The following LRIG1 variants were observed in gnomAD, a reference collection of about 807,000 sequenced individuals.
LRIG1 encodes the protein leucine-rich repeats and immunoglobulin-like domains protein 1.
In LRIG1, 48 loss-of-function variants were observed where a neutral mutation model predicts 99.2. That is an observed-to-expected ratio of 0.48 (90% CI 0.38 to 0.62). The LOEUF is 0.62. LRIG1 is among the 20% of genes least tolerant of loss of function. The pLI, the probability that LRIG1 is intolerant of heterozygous loss-of-function variation, is 0.00. For missense variants in LRIG1, 1,646 were observed against 1,434.4 expected, an observed-to-expected ratio of 1.15 and a Z score of -2.38; for synonymous variants, 772 against 596.1, an observed-to-expected ratio of 1.29 and a Z score of -4.30.
At chr3:66,465,207 A>T (rs566825979) in intron 1 of LRIG1, among the ~76,000 whole-genome samples, 12 of 152,264 alleles carry the variant, frequency 7.9e-5, no homozygotes, top group African/African-American at 2.9e-4. Context: ...AAGTGGGCCT[A>T]AAGAGTGGAG....
chr3:66,405,151 T>C (rs368800190), intron 9 of LRIG1, 47 bp downstream of exon 9: 9 of 1,543,676 alleles, frequency 5.8e-6, no homozygotes, highest in South Asian at 5.6e-5. Context: ...CCCACCCAAG[T>C]GTGTCCCGCG....
At chr3:66,401,097 C>T (rs535325051) in intron 9 of LRIG1, among the ~76,000 whole-genome samples, 162 of 152,322 alleles carry the variant, frequency 1.1e-3, no homozygotes, top group African/African-American at 3.8e-3. Flanking sequence ...AAGGGGCAAA[C>T]GGGCCAGAGA....
Position 66,489,860 on chromosome 3 carries a change from A to AT in LRIG1, c.218+10329dup, listed in dbSNP as rs1414923558. Among the ~76,000 whole-genome samples, 7 of 152,102 alleles carry AT rather than the reference A, an allele frequency of 4.6e-5. No homozygotes were observed. In the East Asian group the frequency reaches 7.8e-4, roughly 17 times the overall value. On this transcript the variant is annotated intron_variant, in intron 1 of 18. Transcript: ENST00000273261. ...CACTTTCATGACTTTAAGAAAATTA[A>AT]TTTTTTCCTCTCAGGTGAATCATTT...
rs76646120 is a variant in LRIG1 at position 66,442,670 on chromosome 3, C to A, written c.365+8889G>T. Among the ~76,000 whole-genome samples, 517 of 152,176 alleles carry A rather than the reference C, an allele frequency of 3.4e-3. 3 individuals carry two copies. Among genetic ancestry groups the A allele is most frequent in the African/African-American group, 0.012 (499 of 41,520 alleles). Reference sequence around the variant, plus strand: ...CCACTGCTTCTCCAACATTGGGGAGCAACCCGGGTCCCCAGTGGATCTTGG... The same window carrying A: ...CCACTGCTTCTCCAACATTGGGGAGAAACCCGGGTCCCCAGTGGATCTTGG... On this transcript the variant is annotated intron_variant, in intron 3 of 18. Coordinates refer to ENST00000273261, the MANE Select transcript of LRIG1 (RefSeq NM_015541.3).
intron 1 of LRIG1, among the ~76,000 whole-genome samples, chr3:66,481,085 C>A (rs1369864367): frequency 1.3e-5 from 2 of 152,140 alleles, no homozygotes; most frequent in South Asian, 4.1e-4. Flanking sequence ...CAACGGTCCC[C>A]CTGCCCAGCA....
chr3:66,408,127 C>T (rs1702341643), intron 7 of LRIG1, among the ~76,000 whole-genome samples: 1 of 152,186 alleles, frequency 6.6e-6, no homozygotes, highest in Non-Finnish European at 1.5e-5. Context: ...ATCAAAGCTT[C>T]CTCCCAGCAC....
At chr3:66,414,383 G>A (rs370455142) in intron 5 of LRIG1, among the ~76,000 whole-genome samples, 137 of 151,544 alleles carry the variant, frequency 9.0e-4, no homozygotes, top group African/African-American at 2.6e-3. Context: ...GGGACAGAGC[G>A]AGACTGTCGC....
At chr3:66,484,412 C>G (rs1700922266) in intron 1 of LRIG1, among the ~76,000 whole-genome samples, 2 of 152,190 alleles carry the variant, frequency 1.3e-5, no homozygotes, top group Admixed American at 6.5e-5. Context: ...AGAAACGAAT[C>G]AAACATTCAC....
At chr3:66,443,344 T>TGAGGGGGCGGGGGATGAGG (rs1703609148) in intron 3 of LRIG1, among the ~76,000 whole-genome samples, 1 of 9,970 alleles carries the variant, frequency 1.0e-4, no homozygotes, top group African/African-American at 3.6e-4. Flanking sequence ...GGGGGATGAG[T>TGAGGGGGCGGGGGATGAGG]GAGGGGGCGG....
chr3:66,422,677 C>A (rs764816280), intron 3 of LRIG1, among the ~76,000 whole-genome samples: 87 of 152,222 alleles, frequency 5.7e-4, no homozygotes, highest in Middle Eastern at 6.3e-3. Context: ...CCAACCTCTG[C>A]CTGTTATCCA....
intron 9 of LRIG1, among the ~76,000 whole-genome samples, chr3:66,403,339 CTTGT>C (rs1311157282): frequency 6.6e-6 from 1 of 152,102 alleles, no homozygotes; most frequent in African/African-American, 2.4e-5. Context: ...TTAAGGAATT[CTTGT>C]TTATTTATTG....
intron 1 of LRIG1, among the ~76,000 whole-genome samples, chr3:66,484,196 G>A (rs918661940): frequency 1.3e-5 from 2 of 152,154 alleles, no homozygotes; most frequent in African/African-American, 2.4e-5. Flanking sequence ...AAGCCTGGGA[G>A]GTCTGAATTA....
At chr3:66,428,046 A>G (rs570374099) in intron 3 of LRIG1, among the ~76,000 whole-genome samples, 2 of 152,304 alleles carry the variant, frequency 1.3e-5, no homozygotes, top group East Asian at 3.9e-4. Flanking sequence ...GTTGACGGAC[A>G]TTGAGTTATT....
At chr3:66,487,526 G>C (rs1701001804) in intron 1 of LRIG1, among the ~76,000 whole-genome samples, 1 of 152,002 alleles carries the variant, frequency 6.6e-6, no homozygotes, top group Admixed American at 6.6e-5. Flanking sequence ...AATTATCAAG[G>C]GACTCCTAGG....
In LRIG1 at chr3:66,398,852, G is replaced by C. The variant is rs1183509679; in HGVS notation, c.1232+118C>G. 6.3e-6 allele frequency: 5 copies of C among 791,438 alleles called. No homozygotes were observed. The East Asian group carries it at 1.1e-4, about 17-fold the overall frequency. 49.0% of individuals were successfully genotyped at this position (791,438 alleles called of 1,614,324 possible). On this transcript the variant is annotated intron_variant, in intron 10 of 18. Coordinates refer to ENST00000273261, the MANE Select transcript of LRIG1 (RefSeq NM_015541.3). ...CTGACATAATGAGAAGGAAGCAGCTGGTGTTTCCAAATAGCCTGTTTCTCA... is the reference window on the plus strand; with the variant it reads ...CTGACATAATGAGAAGGAAGCAGCTCGTGTTTCCAAATAGCCTGTTTCTCA...
chr3:66,404,022 G>C (rs1476547535), intron 9 of LRIG1, among the ~76,000 whole-genome samples: 1 of 152,178 alleles, frequency 6.6e-6, no homozygotes, highest in Non-Finnish European at 1.5e-5. Flanking sequence ...TAAAGGCTGG[G>C]GAAAATCAGC....
Position 66,382,417 on chromosome 3 carries a change from A to G in LRIG1, c.2492-19T>C. On this transcript the variant is annotated intron_variant, in intron 15 of 18. Coordinates refer to ENST00000273261, the MANE Select transcript of LRIG1 (RefSeq NM_015541.3). ...GTTTCATCTGCAAGGAGACAGAACAAATAGAACACCAGGGTCTCAGTGACA... is the reference window on the plus strand; with the variant it reads ...GTTTCATCTGCAAGGAGACAGAACAGATAGAACACCAGGGTCTCAGTGACA... 6.2e-7 allele frequency: 1 copy of G among 1,614,112 alleles called. No homozygotes were observed. Among genetic ancestry groups the G allele is most frequent in the African/African-American group, 1.3e-5 (1 of 75,046 alleles).
chr3:66,418,069 T>G (rs1053785427), intron 3 of LRIG1, among the ~76,000 whole-genome samples: 5 of 151,780 alleles, frequency 3.3e-5, no homozygotes, highest in African/African-American at 1.2e-4. Flanking sequence ...TGTTCCACTG[T>G]AACTTGTGTT....
chr3:66,492,231 T>TA (rs1285591195), intron 1 of LRIG1, among the ~76,000 whole-genome samples: 2 of 152,204 alleles, frequency 1.3e-5, no homozygotes, highest in African/African-American at 4.8e-5. Context: ...TCTCATTGCA[T>TA]TTAACAGGCT....
Sources: gnomAD v4.1 joint callset for allele counts (sites outside exome capture counted in the v4.1 genomes callset) on GRCh38, gnomAD v4.1.1 for gene constraint, MANE v1.5 for transcripts, NCBI Gene and HGNC (gene_info 2026-07-23, HGNC 2026-07-21) for gene names.